The following SYNJ1 variants were observed in gnomAD, a reference collection of about 807,000 sequenced individuals.
SYNJ1 encodes the protein polyphosphatidylinositol phosphatase SYNJ1.
Under a neutral mutation model 168.2 loss-of-function variants are expected in SYNJ1, and 78 were observed. That is an observed-to-expected ratio of 0.46 (90% CI 0.39 to 0.56). The LOEUF (loss-of-function observed/expected upper bound fraction) is 0.56, where lower values mean the gene tolerates loss of function less well. Among genes scored for constraint, SYNJ1 ranks in the 20% least tolerant of loss-of-function variants. The pLI, the probability that SYNJ1 is intolerant of heterozygous loss-of-function variation, is 0.00. For synonymous variants in SYNJ1, 539 were observed against 548.6 expected, an observed-to-expected ratio of 0.98 and a Z score of 0.24; for missense variants, 1,303 against 1,597.6, an observed-to-expected ratio of 0.82 and a Z score of 3.14.
chr21:32,646,665 C>T lies in SYNJ1; in HGVS notation c.3038-63G>A. 4 of 1,332,092 alleles carry T rather than the reference C, an allele frequency of 3.0e-6. No individual in the cohort carries two copies. In the South Asian group the frequency reaches 3.6e-5, roughly 12 times the overall value. The allele number at this position is 1,332,092 out of a possible 1,614,324, so 82.5% of individuals were successfully genotyped here. On this transcript the variant is annotated intron_variant, in intron 23 of 32. Transcript: ENST00000674351. ...TTAACTTGCTCAGAGATTTTTTTCA[C>T]CTTAGGTTTTAAAAAGTTAAAATAC...
intron 32 of SYNJ1, 89 bp from the exon 33 acceptor site, chr21:32,631,890 G>T: frequency 8.3e-7 from 1 of 1,207,100 alleles, no homozygotes; most frequent in East Asian, 2.5e-5. Context: ...TTCCCTTTTA[G>T]GGGCAAGCAT....
intron 23 of SYNJ1, among the ~76,000 whole-genome samples, chr21:32,647,580 G>A (rs774054240): frequency 3.2e-4 from 49 of 152,292 alleles, no homozygotes; most frequent in Non-Finnish European, 6.2e-4. Flanking sequence ...TTCTTCAGAA[G>A]CCAGGGTTTG....
At position 32,697,012 on chromosome 21, in the gene SYNJ1, C is replaced by T. The variant is rs181325902; in HGVS notation, c.480-1730G>A. 6.6e-5 allele frequency among the ~76,000 whole-genome samples: 10 copies of T among 152,318 alleles called. No homozygotes were observed. In the East Asian group the frequency reaches 7.7e-4, roughly 12 times the overall value. On this transcript the variant is annotated intron_variant, in intron 4 of 32. Coordinates refer to ENST00000674351, the MANE Select transcript of SYNJ1 (RefSeq NM_203446.3). ...GTCCAACCACCACAGCTGAGACCTA[C>T]GCCACAGCAAAGTTATAAGAAACTT...
At chr21:32,704,246 C>T (rs868867985) in intron 2 of SYNJ1, among the ~76,000 whole-genome samples, 2 of 152,138 alleles carry the variant, frequency 1.3e-5, no homozygotes, top group South Asian at 2.1e-4. Context: ...TAGTTATTTA[C>T]ATGTTTGTAT....
intron 2 of SYNJ1, among the ~76,000 whole-genome samples, chr21:32,706,651 A>C (rs2042621264): frequency 6.6e-6 from 1 of 152,220 alleles, no homozygotes; most frequent in African/African-American, 2.4e-5. Flanking sequence ...CAGATAAAGA[A>C]GCTTTTATCT....
chr21:32,712,110 T>TC (rs1248298483), intron 2 of SYNJ1, among the ~76,000 whole-genome samples: 24 of 152,344 alleles, frequency 1.6e-4, no homozygotes, highest in African/African-American at 5.8e-4. Context: ...AATACACTGT[T>TC]CTTCCCCAGC....
intron 11 of SYNJ1, among the ~76,000 whole-genome samples, 179 bp downstream of exon 11, chr21:32,681,317 A>G (rs2146044741): frequency 6.6e-6 from 1 of 152,326 alleles, no homozygotes; most frequent in Middle Eastern, 3.4e-3. Flanking sequence ...TCTTCCATTT[A>G]TTCACTAGTA....
At chr21:32,691,496 G>A (rs1307071558) in intron 6 of SYNJ1, among the ~76,000 whole-genome samples, 1 of 152,272 alleles carries the variant, frequency 6.6e-6, no homozygotes, top group East Asian at 1.9e-4. Flanking sequence ...TGTGAGAATG[G>A]ACTAATAAAC....
intron 27 of SYNJ1, 101 bp from the exon 28 acceptor site, chr21:32,642,234 G>C (rs1020226353): frequency 7.6e-7 from 1 of 1,316,978 alleles, no homozygotes; most frequent in Non-Finnish European, 1.1e-6. Flanking sequence ...AGCAGAAATG[G>C]GGGCATGAGA....
chr21:32,727,906 C>G, intron 1 of SYNJ1, 40 bp downstream of exon 1: 1 of 1,530,862 alleles, frequency 6.5e-7, no homozygotes, highest in South Asian at 1.2e-5. Flanking sequence ...GCCCGTGGGT[C>G]TGGCCGCAGC....
chr21:32,675,222 T>G (rs971895017), intron 13 of SYNJ1, among the ~76,000 whole-genome samples: 7 of 152,198 alleles, frequency 4.6e-5, no homozygotes, highest in African/African-American at 1.7e-4. Context: ...ATTACACGGC[T>G]TAAAATATTC....
intron 27 of SYNJ1, 103 bp from the exon 28 acceptor site, chr21:32,642,236 G>T: frequency 8.0e-7 from 1 of 1,253,900 alleles, no homozygotes; most frequent in Non-Finnish European, 1.2e-6. Flanking sequence ...CAGAAATGGG[G>T]GCATGAGATG....
At chr21:32,642,647 A>G (rs562906865) in intron 27 of SYNJ1, among the ~76,000 whole-genome samples, 61 of 152,350 alleles carry the variant, frequency 4.0e-4, no homozygotes, top group Non-Finnish European at 8.2e-4. Flanking sequence ...TCGGATTTCT[A>G]TAACAAAATC....
intron 2 of SYNJ1, among the ~76,000 whole-genome samples, chr21:32,724,911 T>C (rs2043391081): frequency 1.3e-5 from 2 of 152,158 alleles, no homozygotes; most frequent in Non-Finnish European, 2.9e-5. Context: ...GCTCACATAG[T>C]CTAAATCTAA....
chr21:32,667,395 A>AT (rs1018606766), intron 15 of SYNJ1, among the ~76,000 whole-genome samples: 18 of 152,098 alleles, frequency 1.2e-4, no homozygotes, highest in Non-Finnish European at 2.5e-4. Context: ...TTGCCAATCT[A>AT]TTTTTTCCAT....
chr21:32,727,003 G>A, intron 1 of SYNJ1, 86 bp from the exon 2 acceptor site: 2 of 1,515,490 alleles, frequency 1.3e-6, no homozygotes, highest in Non-Finnish European at 1.8e-6. Context: ...GTCCCTCCCC[G>A]CCAGGTTTTG....
chr21:32,689,448 C>G (rs535213952), intron 6 of SYNJ1, among the ~76,000 whole-genome samples: 40 of 152,316 alleles, frequency 2.6e-4, no homozygotes, highest in South Asian at 6.2e-4. Context: ...AGGCGCCCGC[C>G]ACCACGCCCA....
At chr21:32,695,336 T>G in intron 4 of SYNJ1, 54 bp from the exon 5 acceptor site, 1 of 1,502,932 alleles carries the variant, frequency 6.7e-7, no homozygotes, top group South Asian at 1.2e-5. Context: ...TAACAAAGTA[T>G]GACTTTTAAA....
rs1301050274 is a variant in SYNJ1 at position 32,727,032 on chromosome 21, A to G, written c.-22-115T>C. 2.1e-6 allele frequency: 3 copies of G among 1,400,670 alleles called. No individual in the cohort carries two copies. In the South Asian group the frequency reaches 4.3e-5, roughly 20 times the overall value. The allele number at this position is 1,400,670 out of a possible 1,614,324, so 86.8% of individuals were successfully genotyped here. A position where few individuals can be genotyped will look rare whatever the true frequency, so the allele number is the denominator to read the frequency against. On this transcript the variant is annotated intron_variant, in intron 1 of 32. Coordinates refer to ENST00000674351, the MANE Select transcript of SYNJ1 (RefSeq NM_203446.3). ...GGTTTTGATGGGGGGTTGGGGTGGG[A>G]AAAAACAGACAGCTCTGGGAGAAAA...
Sources: allele counts gnomAD v4.1 joint callset (sites outside exome capture counted in the v4.1 genomes callset), GRCh38; gene constraint gnomAD v4.1.1; transcripts MANE v1.5; gene names NCBI Gene and HGNC (gene_info 2026-07-23, HGNC 2026-07-21).